MERTK: variants seen among roughly 807,000 people sequenced by gnomAD.
MERTK encodes the protein tyrosine-protein kinase Mer.
MERTK carries 69 observed loss-of-function variants against 99.3 expected under a neutral mutation model. The ratio of observed to expected loss-of-function variants is 0.70; its 90% CI spans 0.57 to 0.85. The LOEUF (loss-of-function observed/expected upper bound fraction) is 0.85. Among genes scored for constraint, MERTK ranks in the 40% least tolerant of loss-of-function variants. The pLI is 0.00. For synonymous variants in MERTK, 426 were observed against 467.6 expected (o/e 0.91, Z 1.15); for missense variants, 1,125 against 1,249.4 (o/e 0.90, Z 1.50).
chr2:112,020,106 A>G (rs749087673), intron 16 of MERTK, among the ~76,000 whole-genome samples: 13 of 152,128 alleles, frequency 8.5e-5, no homozygotes, highest in Non-Finnish European at 1.6e-4. Flanking sequence ...AAGAAGAGGG[A>G]GTGGTCCTTC....
At chr2:111,961,200 C>T (rs770530820) in intron 4 of MERTK, among the ~76,000 whole-genome samples, 2 of 120,646 alleles carry the variant, frequency 1.7e-5, no homozygotes, top group African/African-American at 3.2e-5. Context: ...CTTGCTCTGT[C>T]GCCCAGGCTG....
At chr2:111,910,426 C>T (rs2312225) in intron 1 of MERTK, among the ~76,000 whole-genome samples, 70,491 of 151,230 alleles carry the variant, frequency 0.47, 16,533 homozygotes, top group East Asian at 0.73. Flanking sequence ...CCTGCCACCA[C>T]GCCTGGCTAA....
chr2:111,977,884 C>G (rs1362948260), intron 7 of MERTK, among the ~76,000 whole-genome samples: 1 of 152,074 alleles, frequency 6.6e-6, no homozygotes, highest in Non-Finnish European at 1.5e-5. Flanking sequence ...ATTTTTATCT[C>G]TTTTTTGCAT....
At chr2:111,970,880 T>C (rs1191088734) in intron 6 of MERTK, among the ~76,000 whole-genome samples, 1 of 149,674 alleles carries the variant, frequency 6.7e-6, no homozygotes, top group Non-Finnish European at 1.5e-5. Flanking sequence ...TTCTCCTTCT[T>C]CTTGTTCTTT....
At position 111,996,063 on chromosome 2, in the gene MERTK, A is replaced by C. The variant is rs1573628397; in HGVS notation, c.1451-1260A>C. 5 of 154,362 alleles carry C rather than the reference A, an allele frequency of 3.2e-5. No homozygotes were observed. In the Admixed American group the frequency reaches 3.3e-4, roughly 10 times the overall value. The allele number at this position is 154,362 out of a possible 1,614,324, so 9.6% of individuals were successfully genotyped here. On this transcript the variant is annotated intron_variant, in intron 9 of 18. Coordinates refer to ENST00000295408, the MANE Select transcript of MERTK (RefSeq NM_006343.3). ...AGTGGCTCATGCCTATAATCCCGGC[A>C]CTTTCGGAGGCCGAGGCAGTTGGAT... is the stretch of plus-strand genomic sequence containing the variant.
chr2:112,012,320 A>T (rs1363387208), intron 15 of MERTK, among the ~76,000 whole-genome samples: 1 of 51,724 alleles, frequency 1.9e-5, no homozygotes, highest in Non-Finnish European at 4.0e-5. Context: ...CCCCACACCC[A>T]GTCATTGAGC....
In MERTK at chr2:112,010,071, T is replaced by C. The variant is rs1447777484; in HGVS notation, c.2079+5T>C. 1 of 1,579,164 alleles carries C rather than the reference T, an allele frequency of 6.3e-7. No individual in the cohort carries two copies. The highest frequency in any genetic ancestry group is 8.7e-7 in the Non-Finnish European group (1 of 1,148,512). On this transcript the variant is annotated splice_donor_5th_base_variant and intron_variant, in intron 15 of 18. Coordinates refer to ENST00000295408, the MANE Select transcript of MERTK (RefSeq NM_006343.3). ...CGATTGGAGACAGGACCAAAGGTAA[T>C]GATCTCCTTGTGTTACCCCTGAACA...
At chr2:111,939,654 ATTTTTTTTTTTTTTT>A (rs1184269274) in intron 2 of MERTK, among the ~76,000 whole-genome samples, 3 of 88,246 alleles carry the variant, frequency 3.4e-5, no homozygotes, top group South Asian at 4.1e-4. Context: ...CTAATTTTTA[ATTTTTTTTTTTTTTT>A]TTTTTTTTTT....
At position 111,977,382 on chromosome 2, in the gene MERTK, G is replaced by T. The variant is rs182739464; in HGVS notation, c.1144+1910G>T. 1.4e-3 allele frequency among the ~76,000 whole-genome samples: 216 copies of T among 152,252 alleles called. 2 individuals are homozygous for T. Among genetic ancestry groups the T allele is most frequent in the African/African-American group, 4.6e-3 (193 of 41,552 alleles). On this transcript the variant is annotated intron_variant, in intron 7 of 18. Coordinates refer to ENST00000295408, the MANE Select transcript of MERTK (RefSeq NM_006343.3). ...TTTTACTTTCAGTACATTAAAAGAA[G>T]TTGCTCCCCTATCTTCTCGCTTGCA...
At chr2:111,965,356 G>A in intron 5 of MERTK, 79 bp downstream of exon 5, 5 of 1,379,934 alleles carry the variant, frequency 3.6e-6, no homozygotes, top group Non-Finnish European at 5.1e-6. Context: ...CTGGCTGCCT[G>A]GGTGTGGATC....
chr2:111,954,309 T>G (rs1268752735), intron 4 of MERTK, among the ~76,000 whole-genome samples: 2 of 152,152 alleles, frequency 1.3e-5, no homozygotes, highest in African/African-American at 4.8e-5. Flanking sequence ...CAAACCCCTG[T>G]TCACTTGACA....
chr2:111,970,309 A>C (rs1558791155), intron 6 of MERTK, among the ~76,000 whole-genome samples: 1 of 151,818 alleles, frequency 6.6e-6, no homozygotes. Flanking sequence ...GGCGGGTGCC[A>C]CCACGCCCAC....
At chr2:112,010,839 G>A (rs1421617900) in intron 15 of MERTK, among the ~76,000 whole-genome samples, 1 of 152,200 alleles carries the variant, frequency 6.6e-6, no homozygotes, top group Admixed American at 6.5e-5. Context: ...CAGCTAAGCA[G>A]GACGCCCCTT....
Position 111,983,107 on chromosome 2 carries a change from G to C in MERTK, c.1296+114G>C, listed in dbSNP as rs906658899. The C allele has an allele frequency of 4.9e-6, 6 of 1,215,512 alleles. No homozygotes were observed. The Admixed American group carries it at 7.6e-5, about 15-fold the overall frequency. The allele number at this position is 1,215,512 out of a possible 1,614,324, so 75.3% of individuals were successfully genotyped here. ...AAAAGACCTGGTGTGATTGAGTTAG[G>C]CAAGGCACCTTTCAGGGGAACATAA... On this transcript the variant is annotated intron_variant, in intron 8 of 18. Transcript: ENST00000295408.
Position 111,947,469 on chromosome 2 carries a change from C to G in MERTK, c.659C>G (p.Ala220Gly), listed in dbSNP as rs146962542. The G allele has an allele frequency of 2.4e-5, 39 of 1,614,042 alleles. No individual in the cohort carries two copies. The Middle Eastern group carries it at 6.6e-4, about 27-fold the overall frequency. ...ACAGCCTTCAACCTCACCTGTCAGG[C>G]TGTGGGCCCGCCTGAGCCCGTCAAC... Reference protein sequence around the residue: ...RNTAFNLTCQAVGPPEPVNIF... With the variant: ...RNTAFNLTCQGVGPPEPVNIF... The change falls in exon 4 of 19, where the codon GCT (alanine) becomes GGT (glycine). Residue 220 changes from alanine to glycine, a missense_variant. Physicochemically the swap from Ala to Gly is moderately conservative, Grantham distance 60 (BLOSUM62 0). Transcript: ENST00000295408.
intron 2 of MERTK, among the ~76,000 whole-genome samples, chr2:111,943,410 A>G (rs1038973923): frequency 6.6e-6 from 1 of 152,172 alleles, no homozygotes; most frequent in Non-Finnish European, 1.5e-5. Flanking sequence ...ACGGTGGCTC[A>G]TGGCTGTAAT....
rs1573554231 is a variant in MERTK at position 111,898,779 on chromosome 2, C to A, written c.44C>A (p.Pro15His). The stretch of plus-strand genomic sequence containing the variant: ...CCGCTGCTGCTGGGCCTCTTCCTCC[C>A]CGCGCTCTGGCGTAGAGGTGAGTGC... ...PLPLLLGLFL[P>H]ALWRRAITEA... Residue 15 changes from proline (P) to histidine (H), a missense_variant, in exon 1 of 19, where the codon CCC becomes CAC. Transcript: ENST00000295408. 6.3e-7 allele frequency: 1 copy of A among 1,599,438 alleles called. No homozygotes were observed. The highest frequency in any genetic ancestry group is 8.5e-7 in the Non-Finnish European group (1 of 1,173,836).
At chr2:111,962,121 A>G (rs1685261800) in intron 4 of MERTK, among the ~76,000 whole-genome samples, 1 of 152,248 alleles carries the variant, frequency 6.6e-6, no homozygotes, top group Non-Finnish European at 1.5e-5. Context: ...TGAAGATACT[A>G]CTGTATGTCA....
intron 2 of MERTK, among the ~76,000 whole-genome samples, chr2:111,931,643 A>G (rs1281103263): frequency 6.6e-6 from 1 of 151,484 alleles, no homozygotes; most frequent in Non-Finnish European, 1.5e-5. Context: ...CCAAGATTGC[A>G]CCACTGCACT....
Sources: gnomAD v4.1 joint callset for allele counts (sites outside exome capture counted in the v4.1 genomes callset) on GRCh38, gnomAD v4.1.1 for gene constraint, MANE v1.5 for transcripts, NCBI Gene and HGNC (gene_info 2026-07-23, HGNC 2026-07-21) for gene names.